Variants in MED23 observed in about 807,000 individuals in gnomAD.
MED23 encodes mediator complex subunit 23, also known as mediator of RNA polymerase II transcription subunit 23.
In MED23, 105 loss-of-function variants were observed where a neutral mutation model predicts 163.9. The observed-to-expected ratio is 0.64, with a 90% confidence interval of 0.55 to 0.75. MED23 has a LOEUF of 0.75. MED23 is among the 30% of genes least tolerant of loss of function. MED23 has a pLI of 0.00. For missense variants in MED23, 1,054 were observed against 1,649.0 expected (o/e 0.64, Z 6.25); for synonymous variants, 561 against 565.6 (o/e 0.99, Z 0.12).
chr6:131,589,124 C>T (rs1216765924), intron 28 of MED23, among the ~76,000 whole-genome samples: 1 of 152,156 alleles, frequency 6.6e-6, no homozygotes, highest in Non-Finnish European at 1.5e-5. Context: ...ACCTCCTTTA[C>T]TCATAACACA....
In MED23 at chr6:131,615,503, C is replaced by CAAAAAAAAAAAAAAAAAAAAAAAAA. The variant is rs917020235; in HGVS notation, c.876+379_876+403dup. ...CCACCAAAAACAAGCAAACACACACCAAAAAAAAAAAAAAAAAAAAAAAAA... is the reference window on the plus strand; with the variant it reads ...CCACCAAAAACAAGCAAACACACACCAAAAAAAAAAAAAAAAAAAAAAAAAAAAAAAAAAAAAAAAAAAAAAAAAA... On this transcript the variant is annotated intron_variant, in intron 10 of 28. Coordinates refer to ENST00000368068, the MANE Select transcript of MED23 (RefSeq NM_004830.4). Among the ~76,000 whole-genome samples the CAAAAAAAAAAAAAAAAAAAAAAAAA allele has an allele frequency of 1.1e-3, 15 of 14,160 alleles. 2 individuals are homozygous for CAAAAAAAAAAAAAAAAAAAAAAAAA. Among genetic ancestry groups the CAAAAAAAAAAAAAAAAAAAAAAAAA allele is most frequent in the Admixed American group, 2.2e-3 (2 of 918 alleles). The allele number at this position is 14,160 out of a possible 152,430, so 9.3% of individuals were successfully genotyped here. A position where few individuals can be genotyped will look rare whatever the true frequency, so the allele number is the denominator to read the frequency against.
At chr6:131,602,756 G>A (rs1243353939) in intron 16 of MED23, among the ~76,000 whole-genome samples, 1 of 151,952 alleles carries the variant, frequency 6.6e-6, no homozygotes, top group African/African-American at 2.4e-5. Context: ...ATTCTAAAGG[G>A]CTAAGTTACA....
chr6:131,582,867 ATATG>A (rs1390343358), downstream of MED23: 5 of 771,288 alleles, frequency 6.5e-6, no homozygotes, highest in African/African-American at 1.7e-5. Flanking sequence ...ATGTACATAC[ATATG>A]TATGTATCCA....
intron 3 of MED23, among the ~76,000 whole-genome samples, chr6:131,625,749 A>G (rs1174786784): frequency 6.6e-6 from 1 of 152,190 alleles, no homozygotes; most frequent in African/African-American, 2.4e-5. Flanking sequence ...GCAAAATAAA[A>G]TTATACTGAG....
At position 131,598,669 on chromosome 6, in the gene MED23, G is replaced by T; in HGVS notation, c.2313C>A (p.Ser771Arg). The change falls in exon 19 of 29, where the codon AGC becomes AGA. Residue 771 changes from serine to arginine, a missense_variant. Transcript: ENST00000368068. The surrounding 1 kb of genome is among the most constrained non-coding windows in gnomAD (Gnocchi z 4.7). ...AGTGGGTAATAATGTCGTTTTCGTT[G>T]CTCATTGACTTCCACTTCCTATACT... Reference protein sequence around the residue: ...EEEYRKWKSMSNENDIITHFS... With the variant: ...EEEYRKWKSMRNENDIITHFS... 1 of 1,613,912 alleles carries T rather than the reference G, an allele frequency of 6.2e-7. No homozygotes were observed. The highest frequency in any genetic ancestry group is 8.5e-7 in the Non-Finnish European group (1 of 1,179,828).
chr6:131,604,374 A>G, intron 14 of MED23, 54 bp from the exon 15 acceptor site: 1 of 1,557,058 alleles, frequency 6.4e-7, no homozygotes, highest in Non-Finnish European at 8.8e-7. Flanking sequence ...ACATAAACAT[A>G]GGGGCTACTC....
Position 131,590,984 on chromosome 6 carries a change from ATT to A in MED23, c.3686+327_3686+328del, listed in dbSNP as rs72014572. ...TGAGATTAGAACAAAATGAAATACA[ATT>A]TTTTTTTTTTTTTCAGATGGAGTCT... On this transcript the variant is annotated intron_variant, in intron 26 of 28. Transcript: ENST00000368068. Among the ~76,000 whole-genome samples the A allele has an allele frequency of 2.7e-3, 353 of 130,982 alleles. 1 individual carries two copies. The highest frequency in any genetic ancestry group is 8.3e-3 in the African/African-American group (296 of 35,500). 85.9% of individuals were successfully genotyped at this position (130,982 alleles called of 152,430 possible).
downstream of MED23, chr6:131,582,814 G>GACAC (rs75155115): frequency 7.6e-5 from 69 of 911,856 alleles, no homozygotes; most frequent in Middle Eastern, 2.2e-4. Flanking sequence ...TAAACATCAA[G>GACAC]ACACACACAC....
At position 131,623,402 on chromosome 6, in the gene MED23, CCA is replaced by C. The variant is rs1777250880; in HGVS notation, c.343_344del (p.Trp115GlyfsTer5). 1 of 1,613,928 alleles carries C rather than the reference CCA, an allele frequency of 6.2e-7. No individual in the cohort carries two copies. On this transcript the variant is annotated frameshift_variant, in exon 5 of 29. Coordinates refer to ENST00000368068, the MANE Select transcript of MED23 (RefSeq NM_004830.4). LOFTEE classifies it high-confidence loss of function. ...DTLEWERTQL[W>X]ALTFKLVRKI... ...TCCGAACCAGTTTAAATGTTAAGGC[CCA>C]AAGCTGTGTTCTTTCCCACTCAAGA...
chr6:131,613,133 A>G (rs1463561922), intron 10 of MED23, among the ~76,000 whole-genome samples: 1 of 152,170 alleles, frequency 6.6e-6, no homozygotes, highest in Non-Finnish European at 1.5e-5. Flanking sequence ...ACTGATTAAC[A>G]TAAGATCAAA....
At chr6:131,574,733 C>A (rs1028541444) in intron 30 of MED23, among the ~76,000 whole-genome samples, 1 of 152,126 alleles carries the variant, frequency 6.6e-6, no homozygotes, top group Non-Finnish European at 1.5e-5. Context: ...GGGCAGATGA[C>A]TAAAATGTTG....
chr6:131,575,562 C>A (rs1773574518), intron 30 of MED23, among the ~76,000 whole-genome samples: 2 of 152,168 alleles, frequency 1.3e-5, no homozygotes, highest in Non-Finnish European at 2.9e-5. Flanking sequence ...GCACCCAGGG[C>A]AAGTCTTCTG....
At chr6:131,607,127 T>C (rs1486437357) in intron 12 of MED23, among the ~76,000 whole-genome samples, 2 of 151,686 alleles carry the variant, frequency 1.3e-5, no homozygotes, top group African/African-American at 4.8e-5. Context: ...TGCTTGAAAA[T>C]TGTCCAACAT....
chr6:131,627,589 C>T (rs377230038), intron 2 of MED23, 52 bp downstream of exon 2: 36 of 1,607,018 alleles, frequency 2.2e-5, no homozygotes, highest in Non-Finnish European at 2.9e-5. Flanking sequence ...TAAGTAAAAT[C>T]TGACAGACAC....
intron 30 of MED23, chr6:131,576,516 T>C (rs1434621883): frequency 2.7e-6 from 2 of 743,132 alleles, no homozygotes; most frequent in East Asian, 5.4e-5. Flanking sequence ...CTGTGAAGAT[T>C]AAAAGAGATG....
chr6:131,603,513 T>C (rs1400690603), intron 15 of MED23, among the ~76,000 whole-genome samples: 1 of 152,184 alleles, frequency 6.6e-6, no homozygotes, highest in African/African-American at 2.4e-5. Context: ...CTTTTATTTT[T>C]AGACAATTAA....
rs146734369 is a variant in MED23 at position 131,602,732 on chromosome 6, T to C, written c.1931+298A>G. ...GATACTTTAACCATAATCTGAAGTA[T>C]ACTTAAAACCAGCATTCTAAAGGGC... On this transcript the variant is annotated intron_variant, in intron 16 of 28. Transcript: ENST00000368068. 2.3e-3 allele frequency among the ~76,000 whole-genome samples: 343 copies of C among 152,266 alleles called. 1 individual carries two copies. The highest frequency in any genetic ancestry group is 7.7e-3 in the African/African-American group (322 of 41,560).
intron 30 of MED23, chr6:131,579,086 G>A: frequency 2.5e-6 from 4 of 1,612,632 alleles, no homozygotes; most frequent in Non-Finnish European, 3.4e-6. Context: ...TTTTAATTTA[G>A]TAACTCAAAA....
chr6:131,600,492 T>C (rs1388173658), intron 17 of MED23, among the ~76,000 whole-genome samples: 1 of 152,242 alleles, frequency 6.6e-6, no homozygotes, highest in Non-Finnish European at 1.5e-5. Context: ...TAGTACTTTA[T>C]TCGGCCAAGG....
Sources: allele counts gnomAD v4.1 joint callset (sites outside exome capture counted in the v4.1 genomes callset), GRCh38; gene constraint gnomAD v4.1.1; non-coding constraint Gnocchi (gnomAD v3.1); transcripts MANE v1.5; gene names NCBI Gene and HGNC (gene_info 2026-07-23, HGNC 2026-07-21).